Variants in HERC1 observed in about 807,000 individuals in gnomAD.
The protein encoded by HERC1 is probable E3 ubiquitin-protein ligase HERC1.
HERC1 carries 160 observed loss-of-function variants against 554.3 expected under a neutral mutation model. The ratio of observed to expected loss-of-function variants is 0.29; its 90% CI spans 0.25 to 0.33. The LOEUF is 0.33. HERC1 is among the 10% of genes least tolerant of loss of function. The probability of loss-of-function intolerance (pLI) is 1.00; values close to 1 mark genes in which losing one functional copy is unlikely to be tolerated. For synonymous variants in HERC1, 2,175 were observed against 2,131.7 expected, an observed-to-expected ratio of 1.02 and a Z score of -0.56; for missense variants, 4,919 against 5,918.5, an observed-to-expected ratio of 0.83 and a Z score of 5.54.
At chr15:63,622,532 C>T (rs570290206) in intron 74 of HERC1, among the ~76,000 whole-genome samples, 1 of 152,098 alleles carries the variant, frequency 6.6e-6, no homozygotes, top group African/African-American at 2.4e-5. Context: ...GGGGTTTCAC[C>T]ATGTTGGCCA....
Position 63,671,480 on chromosome 15 carries a change from G to C in HERC1, c.8045+1016C>G, listed in dbSNP as rs370016069. ...CTGAAACTATTATTCCAGTAAGAGAGCTAACATGTAGGAGATATGTGGGGT... is the reference window on the plus strand; with the variant it reads ...CTGAAACTATTATTCCAGTAAGAGACCTAACATGTAGGAGATATGTGGGGT... On this transcript the variant is annotated intron_variant, in intron 39 of 77. Transcript: ENST00000443617. 5.3e-5 allele frequency among the ~76,000 whole-genome samples: 8 copies of C among 152,240 alleles called. No homozygotes were observed. The South Asian group carries it at 1.2e-3, about 24-fold the overall frequency.
Position 63,725,502 on chromosome 15 carries a change from G to A in HERC1, c.3358C>T (p.Leu1120=), listed in dbSNP as rs1271537723. 4 of 1,613,478 alleles carry A rather than the reference G, an allele frequency of 2.5e-6. No homozygotes were observed. The highest frequency in any genetic ancestry group is 3.4e-6 in the Non-Finnish European group (4 of 1,179,664). ...LQWPLHGGPE[L]IDPAGLPLPQ... Reference sequence around the variant, plus strand: ...AATGGCAGACCAGCAGGATCAATTAGTTCTGGCCCTCCTAAAGACAAAATC... The same window carrying A: ...AATGGCAGACCAGCAGGATCAATTAATTCTGGCCCTCCTAAAGACAAAATC... The change falls in exon 18 of 78, where the codon CTA becomes TTA. Residue 1120 remains leucine (L), a synonymous_variant. Transcript: ENST00000443617.
intron 56 of HERC1, 32 bp from the exon 57 acceptor site, chr15:63,645,129 A>C: frequency 3.6e-6 from 5 of 1,398,158 alleles, no homozygotes; most frequent in Non-Finnish European, 5.1e-6. Flanking sequence ...AAACCAAAAC[A>C]TGTCAATATG....
rs558342120 is a variant in HERC1 at position 63,633,010 on chromosome 15, A to AG, written c.12694-200dup. Among the ~76,000 whole-genome samples, 15 of 152,332 alleles carry AG rather than the reference A, an allele frequency of 9.8e-5. No homozygotes were observed. The East Asian group carries it at 2.9e-3, about 29-fold the overall frequency. On this transcript the variant is annotated intron_variant, in intron 67 of 77. Coordinates refer to ENST00000443617, the MANE Select transcript of HERC1 (RefSeq NM_003922.4). ...ACTGAATTTCAGGGAGGGAGTGTGC[A>AG]GGGGCAGAGGCAGTTTGACTAAAGT...
chr15:63,779,041 G>C (rs891266178), intron 1 of HERC1, among the ~76,000 whole-genome samples: 4 of 151,742 alleles, frequency 2.6e-5, no homozygotes, highest in Non-Finnish European at 5.9e-5. Flanking sequence ...AATGAAGAAT[G>C]AATTATAAAA....
intron 14 of HERC1, among the ~76,000 whole-genome samples, chr15:63,729,862 A>G (rs548041818): frequency 1.1e-3 from 165 of 151,746 alleles, no homozygotes; most frequent in Non-Finnish European, 1.6e-3. Flanking sequence ...GGTCTCTACT[A>G]AAAAATACAA....
chr15:63,678,867 G>T (rs766026102), intron 36 of HERC1, among the ~76,000 whole-genome samples: 1 of 152,130 alleles, frequency 6.6e-6, no homozygotes, highest in African/African-American at 2.4e-5. Context: ...ATAATCTTGG[G>T]AAATTATTTA....
At chr15:63,632,008 TAATC>T (rs2068581778) in intron 68 of HERC1, among the ~76,000 whole-genome samples, 1 of 152,214 alleles carries the variant, frequency 6.6e-6, no homozygotes, top group African/African-American at 2.4e-5. Flanking sequence ...TACATCTTCA[TAATC>T]AATCCTTCTG....
At chr15:63,723,459 A>G in intron 18 of HERC1, 104 bp from the exon 19 acceptor site, 1 of 828,962 alleles carries the variant, frequency 1.2e-6, no homozygotes, top group East Asian at 2.7e-5. Flanking sequence ...TAAACTTCAA[A>G]CCATTTTAAG....
intron 1 of HERC1, among the ~76,000 whole-genome samples, chr15:63,802,715 C>A (rs1448176445): frequency 2.0e-5 from 3 of 152,058 alleles, no homozygotes; most frequent in Admixed American, 6.6e-5. Flanking sequence ...TGGAAAAAAA[C>A]CAATCAGCAC....
At position 63,774,955 on chromosome 15, in the gene HERC1, C is replaced by A; in HGVS notation, c.669G>T (p.Ser223=). 6.2e-7 allele frequency: 1 copy of A among 1,613,944 alleles called. No individual in the cohort carries two copies. The highest frequency in any genetic ancestry group is 8.5e-7 in the Non-Finnish European group (1 of 1,179,866). The change falls in exon 2 of 78, where the codon TCG becomes TCT. Residue 223 remains serine (S), a synonymous_variant. Transcript: ENST00000443617. ...CTCCTTTAAGAAATGTTGTTACTTG[C>A]GATAAGCAGTCCAAGCCCATAGGAG... ...KIPPMGLDCL[S]QVTTFLKGVT...
At chr15:63,639,279 T>C (rs2068924966) in intron 61 of HERC1, among the ~76,000 whole-genome samples, 1 of 152,262 alleles carries the variant, frequency 6.6e-6, no homozygotes, top group Non-Finnish European at 1.5e-5. Context: ...AACCTTATTT[T>C]TATTATATCT....
chr15:63,689,700 C>G lies in HERC1; in HGVS notation c.5938-1G>C. ...GAAGGGAAAATAAGCGCTCAACAAT[C>G]TGTTTTATTGAAGAAAAAAGGATAA... is the stretch of plus-strand genomic sequence containing the variant. On this transcript the variant is annotated splice_acceptor_variant, in intron 32 of 77. Transcript: ENST00000443617. LOFTEE classifies it high-confidence loss of function. The G allele has an allele frequency of 6.6e-7, 1 of 1,526,054 alleles. No homozygotes were observed. Among genetic ancestry groups the G allele is most frequent in the Non-Finnish European group, 8.9e-7 (1 of 1,126,076 alleles). The allele number at this position is 1,526,054 out of a possible 1,614,324, so 94.5% of individuals were successfully genotyped here.
At chr15:63,681,951 C>T (rs944952365) in intron 34 of HERC1, among the ~76,000 whole-genome samples, 5 of 152,150 alleles carry the variant, frequency 3.3e-5, no homozygotes, top group East Asian at 3.8e-4. Context: ...TATAAGTCTC[C>T]GTCATGAGTG....
At chr15:63,701,169 T>C (rs755887878) in intron 25 of HERC1, among the ~76,000 whole-genome samples, 3 of 152,148 alleles carry the variant, frequency 2.0e-5, no homozygotes, top group Non-Finnish European at 4.4e-5. Context: ...CCTTAAAGAT[T>C]ATTTAGTCCA....
intron 38 of HERC1, among the ~76,000 whole-genome samples, chr15:63,673,356 T>C (rs2071032118): frequency 6.6e-6 from 1 of 152,156 alleles, no homozygotes; most frequent in South Asian, 2.1e-4. Context: ...CCTACTTATA[T>C]ACACCATGTA....
intron 1 of HERC1, among the ~76,000 whole-genome samples, chr15:63,829,561 G>GTGTATATA (rs1220043639): frequency 8.6e-5 from 7 of 81,730 alleles, no homozygotes; most frequent in South Asian, 7.7e-4. Context: ...GTGTGTGTGT[G>GTGTATATA]TATATATATA....
intron 22 of HERC1, 50 bp from the exon 23 acceptor site, chr15:63,713,715 G>T: frequency 6.8e-7 from 1 of 1,471,382 alleles, no homozygotes; most frequent in Non-Finnish European, 9.2e-7. Flanking sequence ...GGAGAGAAGA[G>T]CAAAGAAAAT....
intron 70 of HERC1, among the ~76,000 whole-genome samples, chr15:63,627,674 GA>G (rs534164130): frequency 0.052 from 4,885 of 94,512 alleles, 222 homozygotes; most frequent in African/African-American, 0.16. Context: ...ACTCTGTCTC[GA>G]AAAAAAAAAA....
Sources: allele counts gnomAD v4.1 joint callset (sites outside exome capture counted in the v4.1 genomes callset), GRCh38; gene constraint gnomAD v4.1.1; transcripts MANE v1.5; gene names NCBI Gene and HGNC (gene_info 2026-07-23, HGNC 2026-07-21).